DICER1: variants seen among roughly 807,000 people sequenced by gnomAD.
DICER1 encodes endoribonuclease Dicer.
A neutral mutation model predicts 194.1 loss-of-function variants in DICER1; 43 were observed. The observed-to-expected ratio is 0.22, with a 90% CI of 0.17 to 0.29. DICER1 has a LOEUF of 0.29. DICER1 is among the 10% of genes least tolerant of loss of function. The probability of loss-of-function intolerance (pLI) is 1.00; values close to 1 mark genes in which losing one functional copy is unlikely to be tolerated. For missense variants in DICER1, 1,608 were observed against 2,317.0 expected, an observed-to-expected ratio of 0.69 and a Z score of 6.28; for synonymous variants, 832 against 820.5, an observed-to-expected ratio of 1.01 and a Z score of -0.24.
At chr14:95,144,761 C>T (rs1271524507) in intron 1 of DICER1, among the ~76,000 whole-genome samples, 2 of 152,100 alleles carry the variant, frequency 1.3e-5, no homozygotes, top group Non-Finnish European at 2.9e-5. Flanking sequence ...CCCAACTATG[C>T]CACTTTGGTA....
chr14:95,112,124 A>G (rs1179136311), intron 13 of DICER1, 48 bp downstream of exon 13: 6 of 1,520,790 alleles, frequency 3.9e-6, no homozygotes, highest in Non-Finnish European at 5.5e-6. Flanking sequence ...TTTTTTTACA[A>G]TGGTTGCAAT....
chr14:95,116,361 A>G, intron 10 of DICER1, 92 bp downstream of exon 10: 2 of 1,458,768 alleles, frequency 1.4e-6, no homozygotes, highest in South Asian at 1.2e-5. Context: ...GATAAAACTC[A>G]TTATCTGTTC....
At position 95,111,515 on chromosome 14, in the gene DICER1, G is replaced by A. The variant is rs137876829; in HGVS notation, c.2117-59C>T. 4.5e-6 allele frequency: 7 copies of A among 1,564,790 alleles called. No homozygotes were observed. In the African/African-American group the frequency reaches 9.4e-5, roughly 21 times the overall value. Reference sequence around the variant, plus strand: ...AGATTTTGCCTGATTAATTAGTAAAGAATTTAGAACAGAACTATGTTAGAA... The same window carrying A: ...AGATTTTGCCTGATTAATTAGTAAAAAATTTAGAACAGAACTATGTTAGAA... On this transcript the variant is annotated intron_variant, in intron 13 of 26. Coordinates refer to ENST00000343455, the MANE Select transcript of DICER1 (RefSeq NM_177438.3).
intron 21 of DICER1, among the ~76,000 whole-genome samples, chr14:95,101,298 T>C (rs1262709699): frequency 6.6e-6 from 1 of 152,178 alleles, no homozygotes; most frequent in Non-Finnish European, 1.5e-5. Context: ...GAGTGATCAT[T>C]CTTTCTGCAG....
chr14:95,103,439 G>A lies in DICER1; in HGVS notation c.3957C>T (p.Gly1319=), dbSNP rs747021489. ...GFNLERLEML[G]DSFLKHAITT... ...TGATGGCATGCTTTAAAAAGGAGTC[G>A]CCAAGCATTTCAAGCCGCTCCAGGT... Residue 1319 remains glycine, a synonymous_variant, in exon 21 of 27, where the codon GGC becomes GGT. Transcript: ENST00000343455. The A allele has an allele frequency of 4.5e-5, 73 of 1,613,982 alleles. No homozygotes were observed. The highest frequency in any genetic ancestry group is 7.7e-5 in the South Asian group (7 of 91,080).
At chr14:95,133,834 G>A (rs1894159508) in intron 1 of DICER1, among the ~76,000 whole-genome samples, 1 of 152,122 alleles carries the variant, frequency 6.6e-6, no homozygotes. Flanking sequence ...CATAAATTAT[G>A]CTATGACTAT....
chr14:95,114,116 C>T (rs921728299), intron 11 of DICER1, among the ~76,000 whole-genome samples: 4 of 152,132 alleles, frequency 2.6e-5, no homozygotes, highest in African/African-American at 7.2e-5. Flanking sequence ...CACTAAAACG[C>T]CTGGCAGCAG....
At position 95,090,030 on chromosome 14, in the gene DICER1, CT is replaced by C; in HGVS notation, c.*467del. 3.5e-6 allele frequency: 1 copy of C among 286,896 alleles called. No homozygotes were observed. The highest frequency in any genetic ancestry group is 6.6e-6 in the Non-Finnish European group (1 of 151,018). The allele number at this position is 286,896 out of a possible 1,614,324, so 17.8% of individuals were successfully genotyped here. A position where few individuals can be genotyped will look rare whatever the true frequency, so the allele number is the denominator to read the frequency against. On this transcript the variant is annotated 3_prime_UTR_variant, in exon 27 of 27. Coordinates refer to ENST00000343455, the MANE Select transcript of DICER1 (RefSeq NM_177438.3). ...GCACTTCTCCTCTCGAAAACCTTATCTTTCTATTCAGCTTATCAACTACTGC... is the reference window on the plus strand; with the variant it reads ...GCACTTCTCCTCTCGAAAACCTTATCTTCTATTCAGCTTATCAACTACTGC...
At chr14:95,111,169 GCTGTGA>G in intron 14 of DICER1, 142 bp downstream of exon 14, 1 of 833,374 alleles carries the variant, frequency 1.2e-6, no homozygotes, top group African/African-American at 1.7e-5. Context: ...TCTGAGAGAA[GCTGTGA>G]ATCGGAGAAA....
chr14:95,113,615 C>T (rs934507514), intron 11 of DICER1, among the ~76,000 whole-genome samples: 1 of 152,102 alleles, frequency 6.6e-6, no homozygotes, highest in Non-Finnish European at 1.5e-5. Flanking sequence ...ATGTTTTTTC[C>T]TTAATCATCT....
intron 22 of DICER1, among the ~76,000 whole-genome samples, chr14:95,098,612 C>T (rs1890575889): frequency 6.6e-6 from 1 of 151,696 alleles, no homozygotes; most frequent in African/African-American, 2.4e-5. Flanking sequence ...TTAAAAAGAG[C>T]CAAAAACATT....
chr14:95,103,843 C>A lies in DICER1; in HGVS notation c.3553G>T (p.Ala1185Ser). ...INGLSYNQNL[A>S]NGSYDLANRD... ...TTAGCTAAATCATAACTGCCATTGG[C>A]GAGATTTTGATTGTAAGAAAGACCA... Residue 1185 changes from alanine to serine, a missense_variant, in exon 21 of 27, where the codon GCC (alanine) becomes TCC (serine). Coordinates refer to ENST00000343455, the MANE Select transcript of DICER1 (RefSeq NM_177438.3). 1 of 1,614,034 alleles carries A rather than the reference C, an allele frequency of 6.2e-7. No homozygotes were observed. Among genetic ancestry groups the A allele is most frequent in the Non-Finnish European group, 8.5e-7 (1 of 1,180,020 alleles).
chr14:95,107,651 C>A lies in DICER1; in HGVS notation c.2761G>T (p.Val921Phe), dbSNP rs2140018815. 3.1e-6 allele frequency: 5 copies of A among 1,613,770 alleles called. No homozygotes were observed. The highest frequency in any genetic ancestry group is 4.2e-6 in the Non-Finnish European group (5 of 1,179,706). The change falls in exon 17 of 27, where the codon GTT becomes TTT. Residue 921 changes from valine (V) to phenylalanine (F), a missense_variant. By Grantham distance (50) the Val-to-Phe change is conservative. Transcript: ENST00000343455. ...TCTTGGTAATCTTCTAATTTAAAAA[C>A]AAAGGGTGTTTCTTTTGTATACTTT... ...STKYTKETPF[V>F]FKLEDYQDAV...
intron 8 of DICER1, among the ~76,000 whole-genome samples, chr14:95,122,911 TAAGCGCGTGTGCGCGTGCGTGTAC>T (rs1893053870): frequency 6.6e-6 from 1 of 151,236 alleles, no homozygotes; most frequent in South Asian, 2.1e-4. Flanking sequence ...CAGAAGCAGT[TAAGCGCGTGTGCGCGTGCGTGTAC>T]GCGCGCGCGC....
chr14:95,128,273 T>C (rs1893652991), intron 6 of DICER1, among the ~76,000 whole-genome samples: 1 of 152,220 alleles, frequency 6.6e-6, no homozygotes, highest in South Asian at 2.1e-4. Flanking sequence ...TTTGCAGAAT[T>C]AGGTAATGCT....
intron 23 of DICER1, 60 bp from the exon 24 acceptor site, chr14:95,094,216 T>C: frequency 6.3e-7 from 1 of 1,585,544 alleles, no homozygotes; most frequent in Non-Finnish European, 8.7e-7. Flanking sequence ...TATCCCCACA[T>C]AGCAACTGAT....
intron 11 of DICER1, among the ~76,000 whole-genome samples, chr14:95,113,429 G>T (rs113367912): frequency 3.3e-5 from 5 of 152,160 alleles, no homozygotes; most frequent in African/African-American, 1.2e-4. Context: ...CTATATCTTC[G>T]ATGCCCAACA....
chr14:95,092,760 GC>G (rs1889958987), intron 24 of DICER1, among the ~76,000 whole-genome samples: 1 of 152,158 alleles, frequency 6.6e-6, no homozygotes, highest in Non-Finnish European at 1.5e-5. Flanking sequence ...AAACCAATAT[GC>G]CCCACTGGCA....
chr14:95,138,348 A>G (rs899142211), intron 1 of DICER1, among the ~76,000 whole-genome samples: 9 of 152,216 alleles, frequency 5.9e-5, no homozygotes, highest in African/African-American at 2.2e-4. Flanking sequence ...CAGAGAAATG[A>G]AAGGTTACAT....
Sources: allele counts gnomAD v4.1 joint callset (sites outside exome capture counted in the v4.1 genomes callset), GRCh38; gene constraint gnomAD v4.1.1; transcripts MANE v1.5; gene names NCBI Gene and HGNC (gene_info 2026-07-23, HGNC 2026-07-21).